Variants in TRDMT1 observed in about 807,000 individuals in gnomAD.
TRDMT1 encodes tRNA aspartic acid methyltransferase 1, also known as tRNA (cytosine(38)-C(5))-methyltransferase.
A neutral mutation model predicts 51.2 loss-of-function variants in TRDMT1; 49 were observed. The ratio of observed to expected loss-of-function variants is 0.96; its 90% CI spans 0.76 to 1.21. The LOEUF (loss-of-function observed/expected upper bound fraction) is 1.21. TRDMT1 is among the 50% of genes most tolerant of loss of function. The probability of loss-of-function intolerance (pLI) is 0.00; values close to 1 mark genes in which losing one functional copy is unlikely to be tolerated. For missense variants in TRDMT1, 534 were observed against 462.3 expected (o/e 1.16, Z -1.42); for synonymous variants, 187 against 164.6 (o/e 1.14, Z -1.04).
At position 17,159,221 on chromosome 10, in the gene TRDMT1, A is replaced by G; in HGVS notation, c.468T>C (p.Ile156=). The change falls in exon 7 of 11, where the codon ATT becomes ATC. Residue 156 remains isoleucine (I), a synonymous_variant. Transcript: ENST00000377799. ...EFLLSPTSLG[I]PNSRLRYFLI... ...GAAAATATCGTAGCCTTGAATTTGG[A>G]ATGCCAAGCTGTAAGCAAAGCAAAG... is the stretch of plus-strand genomic sequence containing the variant. The G allele has an allele frequency of 6.2e-7, 1 of 1,601,612 alleles. No homozygotes were observed. Among genetic ancestry groups the G allele is most frequent in the Non-Finnish European group, 8.5e-7 (1 of 1,173,578 alleles).
chr10:17,174,743 T>C, intron 1 of TRDMT1, 83 bp from the exon 2 acceptor site: 3 of 1,053,802 alleles, frequency 2.8e-6, no homozygotes, highest in East Asian at 2.4e-5. Context: ...AATTTAGTAA[T>C]CCATTTCCTT....
chr10:17,156,415 C>T (rs1839519683), intron 8 of TRDMT1, among the ~76,000 whole-genome samples: 1 of 151,802 alleles, frequency 6.6e-6, no homozygotes, highest in African/African-American at 2.4e-5. Context: ...TTGTAGTCTT[C>T]GTACAGACAG....
rs1564546155 is a variant in TRDMT1 at position 17,147,227 on chromosome 10, T to C, written c.*1813A>G. ...AAAGTGTGCCAAAATAATTTGTGAT[T>C]GTTTACTGAAATTTATGAGACTTGT... On this transcript the variant is annotated 3_prime_UTR_variant, in exon 11 of 11. Transcript: ENST00000377799. 1.0e-6 allele frequency: 1 copy of C among 985,738 alleles called. No homozygotes were observed. Among genetic ancestry groups the C allele is most frequent in the Non-Finnish European group, 1.2e-6 (1 of 829,942 alleles). 61.1% of individuals were successfully genotyped at this position (985,738 alleles called of 1,614,324 possible).
At chr10:17,191,488 G>A (rs1844673007) in intron 1 of TRDMT1, among the ~76,000 whole-genome samples, 1 of 152,192 alleles carries the variant, frequency 6.6e-6, no homozygotes. Flanking sequence ...AGTTAGGGCA[G>A]TGAGGCAGAG....
intron 2 of TRDMT1, 62 bp downstream of exon 2, chr10:17,174,489 G>A: frequency 8.9e-7 from 1 of 1,126,854 alleles, no homozygotes; most frequent in South Asian, 1.3e-5. Flanking sequence ...CCAGTATTAG[G>A]CAGTGTTTTT....
In TRDMT1 at chr10:17,146,386, A is replaced by G. The variant is rs2176286; in HGVS notation, c.*2654T>C. 971,680 of 985,386 alleles carry G rather than the reference A, an allele frequency of 0.99. 479,861 individuals carry two copies. Among genetic ancestry groups the G allele is most frequent in the Non-Finnish European group, 1 (828,309 of 829,950 alleles). 61.0% of individuals were successfully genotyped at this position (985,386 alleles called of 1,614,324 possible). A position where few individuals can be genotyped will look rare whatever the true frequency, so the allele number is the denominator to read the frequency against. The stretch of plus-strand genomic sequence containing the variant: ...CAGGGTCCTCTGTGAAGGTGATGCC[A>G]TCATTCCTCTTTCTTGCCTGCCACT... On this transcript the variant is annotated 3_prime_UTR_variant, in exon 11 of 11. Coordinates refer to ENST00000377799, the MANE Select transcript of TRDMT1 (RefSeq NM_004412.7).
At position 17,148,652 on chromosome 10, in the gene TRDMT1, A is replaced by C. The variant is rs1165980717; in HGVS notation, c.*388T>G. On this transcript the variant is annotated 3_prime_UTR_variant, in exon 11 of 11. Transcript: ENST00000377799. Reference sequence around the variant, plus strand: ...GAATTAGAATCATTATTTTAAAATTAGAAATAAAAAACTTCTTTAATTAAC... The same window carrying C: ...GAATTAGAATCATTATTTTAAAATTCGAAATAAAAAACTTCTTTAATTAAC... 1 of 966,010 alleles carries C rather than the reference A, an allele frequency of 1.0e-6. No individual in the cohort carries two copies. The highest frequency in any genetic ancestry group is 1.2e-6 in the Non-Finnish European group (1 of 813,206). 59.8% of individuals were successfully genotyped at this position (966,010 alleles called of 1,614,324 possible).
At chr10:17,166,708 C>T (rs946361921) in intron 3 of TRDMT1, among the ~76,000 whole-genome samples, 16 of 152,186 alleles carry the variant, frequency 1.1e-4, no homozygotes, top group African/African-American at 9.7e-5. Flanking sequence ...TCCTGTCAGA[C>T]TTTCACATGA....
Position 17,143,519 on chromosome 10 carries a change from T to C in TRDMT1, c.*5521A>G. On this transcript the variant is annotated 3_prime_UTR_variant, in exon 11 of 11. Transcript: ENST00000377799. Reference sequence around the variant, plus strand: ...TTTCACATGTGAAATTTAACTGGACTTGTGTAAGGAACCAGCTAAGTGAGT... The same window carrying C: ...TTTCACATGTGAAATTTAACTGGACCTGTGTAAGGAACCAGCTAAGTGAGT... 1 of 985,470 alleles carries C rather than the reference T, an allele frequency of 1.0e-6. No individual in the cohort carries two copies. The highest frequency in any genetic ancestry group is 1.2e-6 in the Non-Finnish European group (1 of 829,942). The allele number at this position is 985,470 out of a possible 1,614,324, so 61.0% of individuals were successfully genotyped here.
intron 1 of TRDMT1, 127 bp downstream of exon 1, chr10:17,201,444 G>GCCGCCCCACAGTGT (rs577437637): frequency 0.23 from 194,957 of 833,662 alleles, 28,594 homozygotes; most frequent in Middle Eastern, 0.26. Flanking sequence ...ACAACCGAGG[G>GCCGCCCCACAGTGT]CCGCCCCACA....
Position 17,139,635 on chromosome 10 carries a change from A to C in TRDMT1, c.*9405T>G, listed in dbSNP as rs1837530112. 6.6e-6 allele frequency among the ~76,000 whole-genome samples: 1 copy of C among 152,202 alleles called. No individual in the cohort carries two copies. Among genetic ancestry groups the C allele is most frequent in the South Asian group, 2.1e-4 (1 of 4,834 alleles). ...AGACGCAGAAGCAGTACACACAGGC[A>C]TCTTTATCTTGTGAGAGGAAGCTTT... On this transcript the variant is annotated 3_prime_UTR_variant, in exon 11 of 11. Coordinates refer to ENST00000377799, the MANE Select transcript of TRDMT1 (RefSeq NM_004412.7).
chr10:17,148,962 A>G lies in TRDMT1; in HGVS notation c.*78T>C, dbSNP rs904213177. On this transcript the variant is annotated 3_prime_UTR_variant, in exon 11 of 11. Transcript: ENST00000377799. The stretch of plus-strand genomic sequence containing the variant: ...AATTTAGTTAAATTTCACCAGAATT[A>G]GTTCAAAACAGAATTTCAGAATTAC... The G allele has an allele frequency of 4.2e-6, 6 of 1,436,152 alleles. No homozygotes were observed. The South Asian group carries it at 8.9e-5, about 21-fold the overall frequency. 89.0% of individuals were successfully genotyped at this position (1,436,152 alleles called of 1,614,324 possible). A position where few individuals can be genotyped will look rare whatever the true frequency, so the allele number is the denominator to read the frequency against.
rs1837687562 is a variant in TRDMT1 at position 17,141,490 on chromosome 10, G to A, written c.*7550C>T. On this transcript the variant is annotated 3_prime_UTR_variant, in exon 11 of 11. Transcript: ENST00000377799. ...CTGCTTTTAAGGTTTTGCCAAATTT[G>A]GGATGTTTCCAGCCATTATTTAAAT... Among the ~76,000 whole-genome samples the A allele has an allele frequency of 6.9e-6, 1 of 144,218 alleles. No homozygotes were observed. Among genetic ancestry groups the A allele is most frequent in the Non-Finnish European group, 1.6e-5 (1 of 64,502 alleles). 94.6% of individuals were successfully genotyped at this position (144,218 alleles called of 152,430 possible).
chr10:17,201,623 C>T lies in TRDMT1; in HGVS notation c.12G>A (p.Leu4=). MEP[L]RVLELYSGVG... ...CGCCGCTGTATAGCTCCAGCACCCG[C>T]AGGGGCTCCATCCCCGCGCCTCAGC... Residue 4 remains leucine (L), a synonymous_variant, in exon 1 of 11, where the codon CTG becomes CTA. Coordinates refer to ENST00000377799, the MANE Select transcript of TRDMT1 (RefSeq NM_004412.7). 1.3e-6 allele frequency: 2 copies of T among 1,545,412 alleles called. No individual in the cohort carries two copies. Among genetic ancestry groups the T allele is most frequent in the Non-Finnish European group, 1.7e-6 (2 of 1,144,962 alleles).
intron 1 of TRDMT1, among the ~76,000 whole-genome samples, chr10:17,190,009 C>G (rs61841813): frequency 0.14 from 20,786 of 152,094 alleles, 1,514 homozygotes; most frequent in Admixed American, 0.17. Context: ...TTTTACTTTA[C>G]ACAAAGGGGT....
chr10:17,189,515 T>C (rs1288960252), intron 1 of TRDMT1, among the ~76,000 whole-genome samples: 1 of 152,076 alleles, frequency 6.6e-6, no homozygotes, highest in Non-Finnish European at 1.5e-5. Flanking sequence ...TAAGTCACAA[T>C]CAACAAAGAA....
intron 10 of TRDMT1, chr10:17,152,970 C>T (rs1838960129): frequency 6.5e-6 from 1 of 154,918 alleles, no homozygotes; most frequent in Non-Finnish European, 1.4e-5. Flanking sequence ...AAAGCTCCTT[C>T]CTAGACAGCC....
chr10:17,139,838 G>T lies in TRDMT1; in HGVS notation c.*9202C>A, dbSNP rs1837536623. ...TGACCTCACTTCTGTCTTTTTCAAT[G>T]CCGTTATTCTAAGATCTATAAAAAA... On this transcript the variant is annotated 3_prime_UTR_variant, in exon 11 of 11. Coordinates refer to ENST00000377799, the MANE Select transcript of TRDMT1 (RefSeq NM_004412.7). Among the ~76,000 whole-genome samples the T allele has an allele frequency of 1.3e-5, 2 of 151,984 alleles. No homozygotes were observed. The highest frequency in any genetic ancestry group is 1.3e-4 in the Admixed American group (2 of 15,252).
chr10:17,200,708 G>T, intron 1 of TRDMT1: 1 of 154,856 alleles, frequency 6.5e-6, no homozygotes. Context: ...ATCACCAAAA[G>T]TAAAACTTTC....
Sources: allele counts gnomAD v4.1 joint callset (sites outside exome capture counted in the v4.1 genomes callset), GRCh38; gene constraint gnomAD v4.1.1; transcripts MANE v1.5; gene names NCBI Gene and HGNC (gene_info 2026-07-23, HGNC 2026-07-21).